UVRAG: variants seen among roughly 807,000 people sequenced by gnomAD.
The protein encoded by UVRAG is UV radiation resistance associated, also known as UV radiation resistance-associated gene protein.
A neutral mutation model predicts 78.0 loss-of-function variants in UVRAG; 19 were observed. The ratio of observed to expected loss-of-function variants is 0.24; its 90% CI spans 0.17 to 0.36. The LOEUF is 0.36. UVRAG is among the 10% of genes least tolerant of loss of function. The pLI, the probability that UVRAG is intolerant of heterozygous loss-of-function variation, is 1.00. For synonymous variants in UVRAG, 323 were observed against 324.6 expected, an observed-to-expected ratio of 1.00 and a Z score of 0.05; for missense variants, 740 against 853.8, an observed-to-expected ratio of 0.87 and a Z score of 1.66.
intron 14 of UVRAG, among the ~76,000 whole-genome samples, chr11:76,130,574 A>T (rs751183420): frequency 6.6e-6 from 1 of 152,206 alleles, no homozygotes; most frequent in Non-Finnish European, 1.5e-5. Flanking sequence ...GCAAATTGCA[A>T]CTCAAACACT....
At chr11:75,957,062 A>AT (rs1254127307) in intron 6 of UVRAG, among the ~76,000 whole-genome samples, 4 of 150,896 alleles carry the variant, frequency 2.7e-5, no homozygotes, top group African/African-American at 7.3e-5. Context: ...GGTATTTCTC[A>AT]TTTTTTTAAA....
intron 12 of UVRAG, among the ~76,000 whole-genome samples, chr11:76,044,803 A>T (rs950885666): frequency 2.0e-5 from 3 of 152,166 alleles, no homozygotes; most frequent in East Asian, 3.9e-4. Flanking sequence ...AAGAAAAAAA[A>T]TTTTAAAAAG....
intron 4 of UVRAG, among the ~76,000 whole-genome samples, chr11:75,882,465 A>G (rs1037238350): frequency 4.6e-5 from 7 of 151,956 alleles, no homozygotes; most frequent in Non-Finnish European, 1.0e-4. Context: ...ATGAACCGAG[A>G]TGGCGCCACT....
At chr11:76,014,465 T>C (rs1212416803) in intron 11 of UVRAG, among the ~76,000 whole-genome samples, 4 of 152,228 alleles carry the variant, frequency 2.6e-5, no homozygotes, top group Non-Finnish European at 4.4e-5. Flanking sequence ...CCTCATCTTC[T>C]TCCTCTTCCC....
At chr11:75,980,691 T>C (rs1368779892) in intron 7 of UVRAG, among the ~76,000 whole-genome samples, 3 of 151,736 alleles carry the variant, frequency 2.0e-5, no homozygotes. Context: ...AATTTTTTTT[T>C]TTTTTTTGAG....
chr11:76,141,103 A>T lies in UVRAG; in HGVS notation c.1790A>T (p.Asn597Ile). 1.9e-6 allele frequency: 3 copies of T among 1,614,154 alleles called. No homozygotes were observed. Among genetic ancestry groups the T allele is most frequent in the Non-Finnish European group, 2.5e-6 (3 of 1,180,034 alleles). Residue 597 changes from asparagine to isoleucine, a missense_variant, in exon 15 of 15, where the codon AAT becomes ATT. Transcript: ENST00000356136. ...CTCTCCGGGCACCGGGCCACAGTCA[A>T]TGGCACTCTCCTACCCAGCGAGCAG... ...EALSGHRATVNGTLLPSEQAG... is the reference protein window; with the variant it reads ...EALSGHRATVIGTLLPSEQAG...
chr11:76,026,120 G>A (rs1382573197), intron 12 of UVRAG, among the ~76,000 whole-genome samples: 4 of 152,068 alleles, frequency 2.6e-5, no homozygotes, highest in Admixed American at 2.6e-4. Context: ...CTTTCTGATG[G>A]CCTCTTCTTG....
chr11:75,877,412 C>T (rs1462713858), intron 3 of UVRAG, among the ~76,000 whole-genome samples: 1 of 151,972 alleles, frequency 6.6e-6, no homozygotes, highest in Admixed American at 6.5e-5. Flanking sequence ...CTCCTCACTT[C>T]CCAGTAGGGG....
intron 5 of UVRAG, among the ~76,000 whole-genome samples, chr11:75,890,524 G>C (rs899553139): frequency 6.6e-6 from 1 of 152,210 alleles, no homozygotes; most frequent in Non-Finnish European, 1.5e-5. Context: ...CAGGCACTGA[G>C]AAAACTAAGT....
At chr11:76,096,364 G>A (rs1360483668) in intron 13 of UVRAG, among the ~76,000 whole-genome samples, 2 of 152,142 alleles carry the variant, frequency 1.3e-5, no homozygotes, top group Non-Finnish European at 1.5e-5. Flanking sequence ...GTAAGAGTAC[G>A]TCCAAGGGAA....
intron 6 of UVRAG, among the ~76,000 whole-genome samples, chr11:75,941,532 C>T (rs1948484677): frequency 6.6e-6 from 1 of 152,164 alleles, no homozygotes; most frequent in South Asian, 2.1e-4. Context: ...ATCCCAAATG[C>T]TCCAGTGAGC....
chr11:75,829,428 G>A (rs1945605152), intron 1 of UVRAG, among the ~76,000 whole-genome samples: 1 of 152,212 alleles, frequency 6.6e-6, no homozygotes, highest in Non-Finnish European at 1.5e-5. Flanking sequence ...AAAGATCAGT[G>A]TAATTGAAAG....
intron 13 of UVRAG, among the ~76,000 whole-genome samples, chr11:76,072,429 T>C (rs1951330214): frequency 6.6e-6 from 1 of 152,200 alleles, no homozygotes; most frequent in Non-Finnish European, 1.5e-5. Flanking sequence ...TTTTTTAAGA[T>C]GGCAGATATC....
At chr11:75,844,280 T>C (rs1451853006) in intron 1 of UVRAG, among the ~76,000 whole-genome samples, 1 of 151,940 alleles carries the variant, frequency 6.6e-6, no homozygotes, top group East Asian at 1.9e-4. Flanking sequence ...CAGGCTGGAG[T>C]GCAGTGGCAC....
chr11:76,076,619 A>C (rs901303532), intron 13 of UVRAG, among the ~76,000 whole-genome samples: 3 of 152,076 alleles, frequency 2.0e-5, no homozygotes, highest in African/African-American at 7.2e-5. Context: ...CTGTATCCTC[A>C]CCAACACTTA....
chr11:75,823,135 T>C (rs765780739), intron 1 of UVRAG, among the ~76,000 whole-genome samples: 1 of 152,162 alleles, frequency 6.6e-6, no homozygotes, highest in Non-Finnish European at 1.5e-5. Context: ...ACCCAGGGAA[T>C]GACAGAGGTT....
At chr11:76,054,239 C>T (rs988331409) in intron 12 of UVRAG, among the ~76,000 whole-genome samples, 1 of 152,166 alleles carries the variant, frequency 6.6e-6, no homozygotes, top group Non-Finnish European at 1.5e-5. Flanking sequence ...CTCTTCCTCT[C>T]ACACCTCATA....
At chr11:76,139,654 A>G (rs946307655) in intron 14 of UVRAG, among the ~76,000 whole-genome samples, 5 of 152,204 alleles carry the variant, frequency 3.3e-5, no homozygotes, top group Admixed American at 6.5e-5. Flanking sequence ...TTTCATCCAC[A>G]TACAAGAATG....
chr11:75,969,559 G>T (rs1226027005), intron 7 of UVRAG, among the ~76,000 whole-genome samples: 1 of 152,072 alleles, frequency 6.6e-6, no homozygotes, highest in East Asian at 1.9e-4. Context: ...GGCCTTTATT[G>T]ATGTTTGGTT....
Sources: allele counts gnomAD v4.1 joint callset (sites outside exome capture counted in the v4.1 genomes callset), GRCh38; gene constraint gnomAD v4.1.1; transcripts MANE v1.5; gene names NCBI Gene and HGNC (gene_info 2026-07-23, HGNC 2026-07-21).